GNG13: variants seen among roughly 807,000 people sequenced by gnomAD.
The protein encoded by GNG13 is guanine nucleotide-binding protein G(I)/G(S)/G(O) subunit gamma-13.
GNG13 carries 12 observed loss-of-function variants against 8.2 expected under a neutral mutation model. The observed-to-expected ratio is 1.47, with a 90% CI of 0.94 to 2.38. GNG13 has a LOEUF of 2.38. Ranked by LOEUF, GNG13 falls within the 30% of genes most tolerant of loss-of-function variation. GNG13 has a pLI of 0.00. For synonymous variants in GNG13, 45 were observed against 33.0 expected, an observed-to-expected ratio of 1.37 and a Z score of -1.25; for missense variants, 100 against 85.2, an observed-to-expected ratio of 1.17 and a Z score of -0.68.
At chr16:799,862 C>T (rs1049383506) in intron 1 of GNG13, among the ~76,000 whole-genome samples, 1 of 151,856 alleles carries the variant, frequency 6.6e-6, no homozygotes. Context: ...CCCAGGGAGT[C>T]CCTCACTCCG....
In GNG13 at chr16:798,085, G is replaced by C; in HGVS notation, c.*634C>G. ...CTTTACAGACTGTAATCACGTGCGA[G>C]TGGAGTGGGGTTCACAGGATGGTGG... On this transcript the variant is annotated 3_prime_UTR_variant, in exon 3 of 3. Transcript: ENST00000248150. The C allele has an allele frequency of 7.1e-7, 1 of 1,406,756 alleles. No individual in the cohort carries two copies. The highest frequency in any genetic ancestry group is 1.4e-5 in the African/African-American group (1 of 70,780). The allele number at this position is 1,406,756 out of a possible 1,614,324, so 87.1% of individuals were successfully genotyped here.
chr16:799,034 C>G lies in GNG13; in HGVS notation c.44G>C (p.Ser15Thr). 1 of 1,611,682 alleles carries G rather than the reference C, an allele frequency of 6.2e-7. No individual in the cohort carries two copies. Among genetic ancestry groups the G allele is most frequent in the Non-Finnish European group, 8.5e-7 (1 of 1,178,086 alleles). The change falls in exon 2 of 3, where the codon AGC (serine) becomes ACC (threonine). Residue 15 changes from serine (S) to threonine (T), a missense_variant. Physicochemically the swap from Ser to Thr is moderately conservative, Grantham distance 58 (BLOSUM62 1). Coordinates refer to ENST00000248150, the MANE Select transcript of GNG13 (RefSeq NM_016541.3). ...DVPQMKKEVE[S>T]LKYQLAFQRE... Reference sequence around the variant, plus strand: ...CTGGAAGGCCAGCTGGTACTTGAGGCTCTCCACCTCTTTCTTCATCTGTGG... The same window carrying G: ...CTGGAAGGCCAGCTGGTACTTGAGGGTCTCCACCTCTTTCTTCATCTGTGG...
chr16:800,035 C>G (rs1798970087), intron 1 of GNG13, among the ~76,000 whole-genome samples: 1 of 152,006 alleles, frequency 6.6e-6, no homozygotes, highest in South Asian at 2.1e-4. Flanking sequence ...CACCGGCCAC[C>G]TAGGGAGGGG....
At position 799,058 on chromosome 16, in the gene GNG13, G is replaced by A. The variant is rs1275705932; in HGVS notation, c.20C>T (p.Pro7Leu). The part of the protein sequence containing the change: MEEWDV[P>L]QMKKEVESLK... ...GCTCTCCACCTCTTTCTTCATCTGT[G>A]GCACGTCCCACTCCTCCATGGGGTC... Residue 7 changes from proline (P) to leucine (L), a missense_variant, in exon 2 of 3, where the codon CCA becomes CTA. Physicochemically the swap from Pro to Leu is moderately conservative, Grantham distance 98 (BLOSUM62 -3). Coordinates refer to ENST00000248150, the MANE Select transcript of GNG13 (RefSeq NM_016541.3). The A allele has an allele frequency of 1.2e-5, 20 of 1,606,962 alleles. No homozygotes were observed. The highest frequency in any genetic ancestry group is 1.7e-5 in the Non-Finnish European group (20 of 1,173,976).
Position 798,317 on chromosome 16 carries a change from G to T in GNG13, c.*402C>A. 1 of 483,418 alleles carries T rather than the reference G, an allele frequency of 2.1e-6. No homozygotes were observed. Among genetic ancestry groups the T allele is most frequent in the Non-Finnish European group, 3.8e-6 (1 of 263,554 alleles). 29.9% of individuals were successfully genotyped at this position (483,418 alleles called of 1,614,324 possible). A position where few individuals can be genotyped will look rare whatever the true frequency, so the allele number is the denominator to read the frequency against. On this transcript the variant is annotated 3_prime_UTR_variant, in exon 3 of 3. Transcript: ENST00000248150. The stretch of plus-strand genomic sequence containing the variant: ...GGGAGTGGGGCTCACAGGTTGGTGT[G>T]AGTGGGGCTGGGAGTGGGGCTCACA...
In GNG13 at chr16:798,453, G is replaced by A; in HGVS notation, c.*266C>T. On this transcript the variant is annotated 3_prime_UTR_variant, in exon 3 of 3. Coordinates refer to ENST00000248150, the MANE Select transcript of GNG13 (RefSeq NM_016541.3). ...GGCTGGAAGTGGGGCTCACAGGATG[G>A]TGGGAGTGGGGCTGGGAGTGGGACT... 2 of 525,676 alleles carry A rather than the reference G, an allele frequency of 3.8e-6. No individual in the cohort carries two copies. The highest frequency in any genetic ancestry group is 3.7e-5 in the South Asian group (2 of 53,482). The allele number at this position is 525,676 out of a possible 1,614,324, so 32.6% of individuals were successfully genotyped here. A position where few individuals can be genotyped will look rare whatever the true frequency, so the allele number is the denominator to read the frequency against.
In GNG13 at chr16:798,728, G is replaced by C; in HGVS notation, c.195C>G (p.Thr65=). Residue 65 remains threonine, a synonymous_variant, in exon 3 of 3, where the codon ACC becomes ACG. Coordinates refer to ENST00000248150, the MANE Select transcript of GNG13 (RefSeq NM_016541.3). ...NNPWVEKGKC[T]IL Reference sequence around the variant, plus strand: ...GGGCCGGGTGCGGGGCTCACAGGATGGTGCATTTGCCCTTTTCCACCCATG... The same window carrying C: ...GGGCCGGGTGCGGGGCTCACAGGATCGTGCATTTGCCCTTTTCCACCCATG... 1 of 1,601,368 alleles carries C rather than the reference G, an allele frequency of 6.2e-7. No homozygotes were observed. Among genetic ancestry groups the C allele is most frequent in the South Asian group, 1.1e-5 (1 of 90,802 alleles).
intron 1 of GNG13, 58 bp downstream of exon 1, chr16:800,608 G>T (rs1021295494): frequency 1.3e-5 from 2 of 152,224 alleles, no homozygotes; most frequent in African/African-American, 4.8e-5. Flanking sequence ...TGGGCCAGCT[G>T]AGAGTCGAGG....
chr16:798,961 A>G lies in GNG13; in HGVS notation c.98+19T>C, dbSNP rs186428508. The G allele has an allele frequency of 3.1e-5, 47 of 1,505,424 alleles. No homozygotes were observed. In the East Asian group the frequency reaches 9.9e-4, roughly 32 times the overall value. The allele number at this position is 1,505,424 out of a possible 1,614,324, so 93.3% of individuals were successfully genotyped here. ...AGGGCAGACAAATGAGAGGCAAATC[A>G]GGCAGGTGGGGCACTCACTCGGGGA... On this transcript the variant is annotated intron_variant, in intron 2 of 2. Coordinates refer to ENST00000248150, the MANE Select transcript of GNG13 (RefSeq NM_016541.3).
chr16:799,123 A>C lies in GNG13; in HGVS notation c.-34-12T>G. 2 of 1,185,838 alleles carry C rather than the reference A, an allele frequency of 1.7e-6. No individual in the cohort carries two copies. Among genetic ancestry groups the C allele is most frequent in the Non-Finnish European group, 2.5e-6 (2 of 797,484 alleles). 73.5% of individuals were successfully genotyped at this position (1,185,838 alleles called of 1,614,324 possible). The stretch of plus-strand genomic sequence containing the variant: ...CAGCCAGCCTGGGGCTGGAGGGCAC[A>C]GGAGGAAGCCACAGGGCCGAGGCCA... On this transcript the variant is annotated splice_polypyrimidine_tract_variant and intron_variant, in intron 1 of 2. Transcript: ENST00000248150.
At chr16:799,467 C>T (rs1356787511) in intron 1 of GNG13, among the ~76,000 whole-genome samples, 7 of 151,988 alleles carry the variant, frequency 4.6e-5, no homozygotes, top group African/African-American at 1.7e-4. Flanking sequence ...CAGGCTGACC[C>T]AGACCACGGT....
At chr16:799,134 A>C in intron 1 of GNG13, 23 bp from the exon 2 acceptor site, 4 of 1,047,454 alleles carry the variant, frequency 3.8e-6, no homozygotes, top group Non-Finnish European at 5.9e-6. Flanking sequence ...GGAGGAAGCC[A>C]CAGGGCCGAG....
intron 1 of GNG13, among the ~76,000 whole-genome samples, chr16:799,811 G>A (rs567798587): frequency 2.0e-5 from 3 of 152,242 alleles, no homozygotes; most frequent in South Asian, 4.2e-4. Context: ...GGCAAGTGGG[G>A]GTGGGTTGCC....
intron 1 of GNG13, among the ~76,000 whole-genome samples, chr16:800,369 T>G (rs1434039909): frequency 6.6e-6 from 1 of 152,108 alleles, no homozygotes; most frequent in East Asian, 1.9e-4. Flanking sequence ...CAGCCCTACC[T>G]TCGCGCAGCT....
At chr16:799,912 G>T (rs1024913325) in intron 1 of GNG13, among the ~76,000 whole-genome samples, 5 of 149,178 alleles carry the variant, frequency 3.4e-5, no homozygotes, top group African/African-American at 1.2e-4. Context: ...GGGAGACAGG[G>T]CTGAACCTTG....
chr16:798,339 C>A lies in GNG13; in HGVS notation c.*380G>T. 1 of 432,350 alleles carries A rather than the reference C, an allele frequency of 2.3e-6. No individual in the cohort carries two copies. Among genetic ancestry groups the A allele is most frequent in the Non-Finnish European group, 4.2e-6 (1 of 239,830 alleles). 26.8% of individuals were successfully genotyped at this position (432,350 alleles called of 1,614,324 possible). A position where few individuals can be genotyped will look rare whatever the true frequency, so the allele number is the denominator to read the frequency against. On this transcript the variant is annotated 3_prime_UTR_variant, in exon 3 of 3. Coordinates refer to ENST00000248150, the MANE Select transcript of GNG13 (RefSeq NM_016541.3). ...TGTGAGTGGGGCTGGGAGTGGGGCT[C>A]ACAGGATGGAGTGAGTGGGGCCGGG... is the stretch of plus-strand genomic sequence containing the variant.
chr16:798,792 T>C lies in GNG13; in HGVS notation c.131A>G (p.Lys44Arg). ...CAGGTCGGGGTTCAGGAAGGGGTCC[T>C]TGGGGATCCCGTCCTCGATCCACTT... Reference protein sequence around the residue: ...LLKWIEDGIPKDPFLNPDLMK... With the variant: ...LLKWIEDGIPRDPFLNPDLMK... Residue 44 changes from lysine (K) to arginine (R), a missense_variant, in exon 3 of 3, where the codon AAG (lysine) becomes AGG (arginine). Transcript: ENST00000248150. The C allele has an allele frequency of 6.2e-7, 1 of 1,612,832 alleles. No individual in the cohort carries two copies. The highest frequency in any genetic ancestry group is 8.5e-7 in the Non-Finnish European group (1 of 1,179,322).
chr16:799,898 G>C (rs1268691318), intron 1 of GNG13, among the ~76,000 whole-genome samples: 2 of 151,696 alleles, frequency 1.3e-5, no homozygotes, highest in Non-Finnish European at 2.9e-5. Flanking sequence ...CCGTCCCCAA[G>C]GTTGGGAGAC....
At position 799,071 on chromosome 16, in the gene GNG13, C is replaced by T. The variant is rs761232287; in HGVS notation, c.7G>A (p.Glu3Lys). 18 of 1,596,804 alleles carry T rather than the reference C, an allele frequency of 1.1e-5. No individual in the cohort carries two copies. Among genetic ancestry groups the T allele is most frequent in the East Asian group, 6.7e-5 (3 of 44,804 alleles). The stretch of plus-strand genomic sequence containing the variant: ...TTCTTCATCTGTGGCACGTCCCACT[C>T]CTCCATGGGGTCAGGGGCTTCTGAA... ME[E>K]WDVPQMKKEV... Residue 3 changes from glutamate to lysine, a missense_variant, in exon 2 of 3, where the codon GAG becomes AAG. Glu to Lys is a moderately conservative substitution (Grantham distance 56). Coordinates refer to ENST00000248150, the MANE Select transcript of GNG13 (RefSeq NM_016541.3).
Sources: gnomAD v4.1 joint callset for allele counts (sites outside exome capture counted in the v4.1 genomes callset) on GRCh38, gnomAD v4.1.1 for gene constraint, MANE v1.5 for transcripts, NCBI Gene and HGNC (gene_info 2026-07-23, HGNC 2026-07-21) for gene names.